BANK1: variants seen among roughly 807,000 people sequenced by gnomAD.
The protein encoded by BANK1 is B cell scaffold protein with ankyrin repeats 1.
BANK1 carries 95 observed loss-of-function variants against 94.5 expected under a neutral mutation model. The observed-to-expected ratio is 1.00, with a 90% CI of 0.85 to 1.19. BANK1 has a LOEUF of 1.19. Among genes scored for constraint, BANK1 ranks in the 50% most tolerant of loss-of-function variants. BANK1 has a pLI of 0.00. For missense variants in BANK1, 987 were observed against 932.2 expected, an observed-to-expected ratio of 1.06 and a Z score of -0.77; for synonymous variants, 334 against 308.4, an observed-to-expected ratio of 1.08 and a Z score of -0.87.
chr4:101,910,671 G>C (rs1722633565), intron 6 of BANK1, among the ~76,000 whole-genome samples: 1 of 144,894 alleles, frequency 6.9e-6, no homozygotes, highest in African/African-American at 2.6e-5. Context: ...TCCAGCCTGG[G>C]CGACAGAGCT....
intron 5 of BANK1, among the ~76,000 whole-genome samples, chr4:101,890,169 G>T (rs1721797365): frequency 6.6e-6 from 1 of 152,134 alleles, no homozygotes; most frequent in Non-Finnish European, 1.5e-5. Context: ...TATGTGGATT[G>T]ATGCTGATTG....
chr4:101,839,156 C>G (rs1726937730), intron 2 of BANK1, among the ~76,000 whole-genome samples: 1 of 152,072 alleles, frequency 6.6e-6, no homozygotes, highest in African/African-American at 2.4e-5. Context: ...TATTTTTAAC[C>G]TTGAGTTTTC....
intron 5 of BANK1, among the ~76,000 whole-genome samples, chr4:101,877,390 C>A (rs1477296499): frequency 2.0e-5 from 3 of 152,144 alleles, no homozygotes; most frequent in Non-Finnish European, 2.9e-5. Flanking sequence ...AGAACTGTAA[C>A]ACTGTAAGTG....
intron 2 of BANK1, among the ~76,000 whole-genome samples, chr4:101,851,524 T>C (rs550523344): frequency 2.2e-4 from 34 of 152,270 alleles, no homozygotes; most frequent in African/African-American, 8.2e-4. Context: ...TGAGTGAATT[T>C]GGGTGGGAGA....
At position 101,830,222 on chromosome 4, in the gene BANK1, C is replaced by A; in HGVS notation, c.469+16C>A. On this transcript the variant is annotated intron_variant, in intron 2 of 16. Transcript: ENST00000322953. Reference sequence around the variant, plus strand: ...ATATTCAAAGGTAGTGTTGCCAAACCTTGTTTGTTTTATTTTTATTTGTTT... The same window carrying A: ...ATATTCAAAGGTAGTGTTGCCAAACATTGTTTGTTTTATTTTTATTTGTTT... 6.9e-7 allele frequency: 1 copy of A among 1,447,834 alleles called. No homozygotes were observed. The highest frequency in any genetic ancestry group is 1.6e-5 in the South Asian group (1 of 63,664). 89.7% of individuals were successfully genotyped at this position (1,447,834 alleles called of 1,614,324 possible).
chr4:101,882,387 T>C (rs1441246535), intron 5 of BANK1, among the ~76,000 whole-genome samples: 1 of 152,212 alleles, frequency 6.6e-6, no homozygotes, highest in Non-Finnish European at 1.5e-5. Flanking sequence ...TAAGAACTTA[T>C]TCTGTACACT....
intron 3 of BANK1, among the ~76,000 whole-genome samples, chr4:101,856,539 A>T (rs1240821273): frequency 6.6e-6 from 1 of 152,194 alleles, no homozygotes; most frequent in East Asian, 1.9e-4. Context: ...CTCTGAAACT[A>T]AAAGTAGCTC....
intron 1 of BANK1, among the ~76,000 whole-genome samples, chr4:101,798,221 G>A (rs1047364361): frequency 3.9e-5 from 6 of 152,166 alleles, no homozygotes; most frequent in African/African-American, 1.2e-4. Flanking sequence ...ATGAGTGGAA[G>A]AAGGTAAGGT....
intron 7 of BANK1, among the ~76,000 whole-genome samples, chr4:102,004,097 A>G (rs1374618586): frequency 6.6e-6 from 1 of 151,818 alleles, no homozygotes; most frequent in Non-Finnish European, 1.5e-5. Context: ...GGCCTGTTAT[A>G]TATTTGTTTA....
chr4:101,972,252 C>T (rs1267917342), intron 7 of BANK1, among the ~76,000 whole-genome samples: 7 of 151,846 alleles, frequency 4.6e-5, no homozygotes, highest in Non-Finnish European at 1.0e-4. Flanking sequence ...TAGGATTCTT[C>T]CCTTGATTTC....
intron 7 of BANK1, among the ~76,000 whole-genome samples, chr4:101,945,002 C>T (rs759814548): frequency 2.6e-5 from 4 of 151,850 alleles, no homozygotes; most frequent in Non-Finnish European, 5.9e-5. Flanking sequence ...TAAAAAGATG[C>T]TTCAGTTTTC....
chr4:101,940,778 C>T (rs749067955), intron 7 of BANK1, among the ~76,000 whole-genome samples: 5 of 151,736 alleles, frequency 3.3e-5, no homozygotes, highest in African/African-American at 9.7e-5. Context: ...CATGATATTT[C>T]CTATCAACAT....
intron 7 of BANK1, among the ~76,000 whole-genome samples, chr4:101,984,530 G>A (rs1336236576): frequency 6.6e-6 from 1 of 152,042 alleles, no homozygotes. Context: ...TGCAATAAAA[G>A]TGCTAAGTAG....
chr4:101,996,709 A>G (rs577585021), intron 7 of BANK1, among the ~76,000 whole-genome samples: 94 of 152,124 alleles, frequency 6.2e-4, no homozygotes, highest in African/African-American at 2.1e-3. Context: ...ATGGGAGTTC[A>G]CTCATGATTT....
In BANK1 at chr4:101,795,276, A is replaced by G. The variant is rs72919087; in HGVS notation, c.70+4326A>G. ...TGGGAATCATACTAGTTGATAAGTAAGGGTGTCAGAAGAGTAGTGTCTACT... is the reference window on the plus strand; with the variant it reads ...TGGGAATCATACTAGTTGATAAGTAGGGGTGTCAGAAGAGTAGTGTCTACT... On this transcript the variant is annotated intron_variant, in intron 1 of 16. Coordinates refer to ENST00000322953, the MANE Select transcript of BANK1 (RefSeq NM_017935.5). 8.2e-3 allele frequency among the ~76,000 whole-genome samples: 1,248 copies of G among 152,244 alleles called. 16 individuals carry two copies. The highest frequency in any genetic ancestry group is 0.029 in the African/African-American group (1,187 of 41,542).
At chr4:101,941,918 G>A (rs1474388115) in intron 7 of BANK1, among the ~76,000 whole-genome samples, 1 of 151,720 alleles carries the variant, frequency 6.6e-6, no homozygotes, top group Non-Finnish European at 1.5e-5. Flanking sequence ...ATCCACTTGT[G>A]TGGGGTAACT....
At chr4:101,835,837 G>A (rs17031698) in intron 2 of BANK1, among the ~76,000 whole-genome samples, 1,913 of 152,264 alleles carry the variant, frequency 0.013, 32 homozygotes, top group East Asian at 0.061. Context: ...ACCAGCATTA[G>A]TGTAGACATA....
At chr4:101,978,160 GA>G (rs1324547693) in intron 7 of BANK1, among the ~76,000 whole-genome samples, 29 of 149,732 alleles carry the variant, frequency 1.9e-4, no homozygotes, top group Admixed American at 1.1e-3. Flanking sequence ...AAAAAAAAAA[GA>G]AAAAAAGAAA....
At chr4:101,984,248 C>G (rs1374927113) in intron 7 of BANK1, among the ~76,000 whole-genome samples, 2 of 151,882 alleles carry the variant, frequency 1.3e-5, no homozygotes, top group African/African-American at 2.4e-5. Flanking sequence ...AGTAAAGAAG[C>G]CCTGGGAAGA....
Sources: gnomAD v4.1 joint callset for allele counts (sites outside exome capture counted in the v4.1 genomes callset) on GRCh38, gnomAD v4.1.1 for gene constraint, MANE v1.5 for transcripts, NCBI Gene and HGNC (gene_info 2026-07-23, HGNC 2026-07-21) for gene names.